Variants in LY86 observed in about 807,000 individuals in gnomAD.
LY86 encodes MD-1, RP105-associated.
Under a neutral mutation model 17.3 loss-of-function variants are expected in LY86, and 20 were observed. The observed-to-expected ratio is 1.15, with a 90% CI of 0.81 to 1.68. LY86 has a LOEUF of 1.68. LY86 is among the 40% of genes most tolerant of loss of function. The probability of loss-of-function intolerance (pLI) is 0.00; values close to 1 mark genes in which losing one functional copy is unlikely to be tolerated. For missense variants in LY86, 200 were observed against 191.9 expected (o/e 1.04, Z -0.25); for synonymous variants, 74 against 70.6 (o/e 1.05, Z -0.24).
At chr6:6,626,852 T>C (rs578166562) in intron 3 of LY86, among the ~76,000 whole-genome samples, 4 of 152,138 alleles carry the variant, frequency 2.6e-5, no homozygotes, top group African/African-American at 9.6e-5. Context: ...GCTTATGATA[T>C]GTCACCACCT....
chr6:6,600,681 G>A (rs1050822415), intron 1 of LY86, among the ~76,000 whole-genome samples: 4 of 150,332 alleles, frequency 2.7e-5, no homozygotes, highest in Admixed American at 2.6e-4. Context: ...TGAGGCCAGG[G>A]CCTGCTTCTG....
chr6:6,630,979 T>C (rs1332286272), intron 3 of LY86, among the ~76,000 whole-genome samples: 2 of 152,156 alleles, frequency 1.3e-5, no homozygotes, highest in African/African-American at 4.8e-5. Context: ...TAATATATTA[T>C]TTTAATCATT....
chr6:6,621,141 T>A (rs1453441569), intron 1 of LY86: 1 of 152,238 alleles, frequency 6.6e-6, no homozygotes. Flanking sequence ...TGAACAGTCT[T>A]CTATTTCGTG....
chr6:6,604,086 G>C (rs1289178733), intron 1 of LY86, among the ~76,000 whole-genome samples: 1 of 152,138 alleles, frequency 6.6e-6, no homozygotes, highest in African/African-American at 2.4e-5. Context: ...AGTGGTTCTT[G>C]ATTGGGAACA....
At chr6:6,606,798 A>T (rs1034519706) in intron 1 of LY86, among the ~76,000 whole-genome samples, 1 of 152,324 alleles carries the variant, frequency 6.6e-6, no homozygotes, top group Non-Finnish European at 1.5e-5. Context: ...GTTCCCGCTT[A>T]CGCCTCTCCC....
intron 4 of LY86, among the ~76,000 whole-genome samples, chr6:6,651,887 C>G (rs948126761): frequency 6.6e-6 from 1 of 151,674 alleles, no homozygotes; most frequent in African/African-American, 2.4e-5. Flanking sequence ...GAAACCCCAT[C>G]TCTACTAAAA....
At chr6:6,606,394 T>G (rs1027187704) in intron 1 of LY86, among the ~76,000 whole-genome samples, 4 of 152,104 alleles carry the variant, frequency 2.6e-5, no homozygotes, top group Admixed American at 2.6e-4. Context: ...AGACTCAGGA[T>G]CCCAGCTGGC....
At chr6:6,636,474 C>T (rs1761960770) in intron 3 of LY86, among the ~76,000 whole-genome samples, 1 of 152,176 alleles carries the variant, frequency 6.6e-6, no homozygotes, top group Non-Finnish European at 1.5e-5. Context: ...GGGCCCTGAG[C>T]CCCTCAAGTC....
At chr6:6,605,398 G>A (rs568011965) in intron 1 of LY86, among the ~76,000 whole-genome samples, 2 of 152,332 alleles carry the variant, frequency 1.3e-5, no homozygotes, top group African/African-American at 4.8e-5. Context: ...AAACTCATGT[G>A]AGTACATCGC....
At chr6:6,593,132 T>C (rs141483603) in intron 1 of LY86, among the ~76,000 whole-genome samples, 7 of 152,310 alleles carry the variant, frequency 4.6e-5, no homozygotes, top group Non-Finnish European at 8.8e-5. Flanking sequence ...GAGTCCAAAA[T>C]CAATTTCACT....
intron 1 of LY86, among the ~76,000 whole-genome samples, chr6:6,598,328 C>A (rs931343577): frequency 1.3e-5 from 2 of 151,838 alleles, no homozygotes; most frequent in African/African-American, 4.8e-5. Flanking sequence ...AATACTGATA[C>A]CATGAGTTTA....
intron 1 of LY86, among the ~76,000 whole-genome samples, chr6:6,590,122 A>AG (rs1760480333): frequency 1.4e-5 from 2 of 139,180 alleles, no homozygotes; most frequent in Non-Finnish European, 3.0e-5. Flanking sequence ...CTGTCTTAAA[A>AG]AAAAAAAAAA....
Position 6,625,054 on chromosome 6 carries a change from A to T in LY86, c.223+42A>T, listed in dbSNP as rs576973543. On this transcript the variant is annotated intron_variant, in intron 2 of 4. Transcript: ENST00000230568. ...ATTAGCATGAAATAAAACATTGCAC[A>T]GCCTCTTCCAACTCCACACACCCAA... The T allele has an allele frequency of 4.4e-6, 4 of 900,114 alleles. No homozygotes were observed. In the South Asian group the frequency reaches 6.0e-5, roughly 13 times the overall value. The allele number at this position is 900,114 out of a possible 1,614,324, so 55.8% of individuals were successfully genotyped here. A position where few individuals can be genotyped will look rare whatever the true frequency, so the allele number is the denominator to read the frequency against.
chr6:6,609,463 G>A (rs1052492785), intron 1 of LY86, among the ~76,000 whole-genome samples: 10 of 152,218 alleles, frequency 6.6e-5, no homozygotes, highest in Non-Finnish European at 1.3e-4. Context: ...TCCACACCCT[G>A]GAGATACTGG....
Position 6,620,693 on chromosome 6 carries a change from G to A in LY86, c.137-4233G>A, listed in dbSNP as rs970254444. On this transcript the variant is annotated intron_variant, in intron 1 of 4. Transcript: ENST00000230568. ...ATTCTGACAAGGTTGTCCTCCCCTC[G>A]ACAGCTGCCCAGGTCTAGCCCAGCC... Among the ~76,000 whole-genome samples the A allele has an allele frequency of 5.3e-5, 8 of 152,206 alleles. No homozygotes were observed. In the South Asian group the frequency reaches 1.0e-3, roughly 20 times the overall value.
chr6:6,595,180 A>AAAAGAGGAAAAGGAAGAGGGGGAG (rs2113076606), intron 1 of LY86, among the ~76,000 whole-genome samples: 1 of 151,156 alleles, frequency 6.6e-6, no homozygotes, highest in South Asian at 2.1e-4. Flanking sequence ...AGGAGGAGGA[A>AAAAGAGGAAAAGGAAGAGGGGGAG]AAAGAGGAAA....
intron 1 of LY86, among the ~76,000 whole-genome samples, chr6:6,615,438 A>G (rs1581243499): frequency 1.3e-5 from 2 of 152,152 alleles, no homozygotes; most frequent in Non-Finnish European, 2.9e-5. Flanking sequence ...AGCTTGGCTG[A>G]AGGCAGGCTG....
intron 1 of LY86, among the ~76,000 whole-genome samples, chr6:6,605,218 T>C (rs1225139558): frequency 4.6e-5 from 7 of 152,218 alleles, no homozygotes; most frequent in African/African-American, 1.7e-4. Context: ...TTTCTATTTC[T>C]GCATAACAAA....
intron 1 of LY86, among the ~76,000 whole-genome samples, chr6:6,594,187 A>C (rs930448742): frequency 9.9e-5 from 15 of 152,168 alleles, no homozygotes; most frequent in Admixed American, 9.2e-4. Context: ...TGATACTCAC[A>C]GTCTACCTGG....
Sources: gnomAD v4.1 joint callset for allele counts (sites outside exome capture counted in the v4.1 genomes callset) on GRCh38, gnomAD v4.1.1 for gene constraint, MANE v1.5 for transcripts, NCBI Gene and HGNC (gene_info 2026-07-23, HGNC 2026-07-21) for gene names.